The following FYN variants were observed in gnomAD, a reference collection of about 807,000 sequenced individuals.
The protein encoded by FYN is tyrosine-protein kinase Fyn.
In FYN, 10 loss-of-function variants were observed where a neutral mutation model predicts 70.2. That is an observed-to-expected ratio of 0.14 (90% CI 0.09 to 0.24). FYN has a LOEUF of 0.24. Among genes scored for constraint, FYN ranks in the 10% least tolerant of loss-of-function variants. The pLI is 1.00. For synonymous variants in FYN, 236 were observed against 248.6 expected (o/e 0.95, Z 0.48); for missense variants, 319 against 673.1 (o/e 0.47, Z 5.82).
chr6:111,707,364 G>A (rs957150047), intron 6 of FYN, among the ~76,000 whole-genome samples: 9 of 152,150 alleles, frequency 5.9e-5, no homozygotes, highest in African/African-American at 1.9e-4. Context: ...ATAACTGCTC[G>A]TCACTGTTTA....
At chr6:111,684,573 G>A (rs149546073) in intron 12 of FYN, among the ~76,000 whole-genome samples, 14 of 152,300 alleles carry the variant, frequency 9.2e-5, no homozygotes, top group Admixed American at 3.3e-4. Flanking sequence ...ATCCAGACAT[G>A]GAGGCTACCA....
At chr6:111,675,506 GA>G (rs1798489658) in intron 12 of FYN, among the ~76,000 whole-genome samples, 1 of 152,032 alleles carries the variant, frequency 6.6e-6, no homozygotes, top group African/African-American at 2.4e-5. Context: ...AATTAAAAGG[GA>G]TTCAGGCCGG....
chr6:111,705,384 CTT>C (rs879920621), intron 6 of FYN, among the ~76,000 whole-genome samples: 3 of 138,142 alleles, frequency 2.2e-5, no homozygotes. Flanking sequence ...TCTTCTTCTT[CTT>C]TTTTTTTTTT....
intron 5 of FYN, 122 bp from the exon 6 acceptor site, chr6:111,708,142 A>C (rs1800189276): frequency 1.4e-6 from 1 of 722,064 alleles, no homozygotes; most frequent in Non-Finnish European, 2.4e-6. Flanking sequence ...TCTCCAACCT[A>C]TTCCTTTACT....
chr6:111,864,061 G>A (rs1156437922), intron 1 of FYN, among the ~76,000 whole-genome samples: 2 of 152,158 alleles, frequency 1.3e-5, no homozygotes, highest in Non-Finnish European at 2.9e-5. Context: ...TGCATTCTAT[G>A]AGATCTTCAG....
chr6:111,786,893 C>T (rs1771410809), intron 2 of FYN, among the ~76,000 whole-genome samples: 1 of 152,176 alleles, frequency 6.6e-6, no homozygotes, highest in Non-Finnish European at 1.5e-5. Context: ...ATATCCTTTG[C>T]CCACTTGTTG....
At chr6:111,818,578 A>G (rs1298697364) in intron 2 of FYN, 1 of 152,268 alleles carries the variant, frequency 6.6e-6, no homozygotes, top group Non-Finnish European at 1.5e-5. Flanking sequence ...CCCACAGCCC[A>G]TCCCAGGGGC....
chr6:111,678,983 G>A (rs1035502226), intron 12 of FYN, among the ~76,000 whole-genome samples: 2 of 152,002 alleles, frequency 1.3e-5, no homozygotes, highest in Non-Finnish European at 2.9e-5. Context: ...TCCCCCCCTG[G>A]GTTTCTATAG....
chr6:111,708,145 C>A (rs147937827), intron 5 of FYN, 125 bp from the exon 6 acceptor site: 219 of 713,428 alleles, frequency 3.1e-4, no homozygotes, highest in Non-Finnish European at 8.8e-5. Context: ...CCAACCTATT[C>A]CTTTACTCTG....
At chr6:111,828,460 T>G (rs9384811) in intron 2 of FYN, among the ~76,000 whole-genome samples, 5,289 of 152,326 alleles carry the variant, frequency 0.035, 147 homozygotes, top group East Asian at 0.14. Context: ...TGTACGTCCA[T>G]GTTCATAGCA....
chr6:111,698,282 C>T (rs1035876233), intron 9 of FYN, among the ~76,000 whole-genome samples: 1 of 152,100 alleles, frequency 6.6e-6, no homozygotes, highest in South Asian at 2.1e-4. Context: ...TACAGGCATG[C>T]ACCACCATGC....
At chr6:111,723,344 G>C (rs66659916) in intron 3 of FYN, among the ~76,000 whole-genome samples, 20,106 of 151,978 alleles carry the variant, frequency 0.13, 1,472 homozygotes, top group South Asian at 0.33. Context: ...GCACACAGTA[G>C]TCACTCAATA....
chr6:111,798,641 C>T (rs1771892883), intron 2 of FYN, among the ~76,000 whole-genome samples: 1 of 151,682 alleles, frequency 6.6e-6, no homozygotes, highest in African/African-American at 2.4e-5. Context: ...TCAATTCTCC[C>T]ACCTCATCTG....
chr6:111,861,059 T>TC (rs1773949009), intron 1 of FYN, among the ~76,000 whole-genome samples: 1 of 152,136 alleles, frequency 6.6e-6, no homozygotes, highest in Admixed American at 6.5e-5. Flanking sequence ...ACTCCAAGGA[T>TC]CCATCAGTGC....
intron 3 of FYN, among the ~76,000 whole-genome samples, chr6:111,750,460 C>A (rs1802435850): frequency 6.6e-6 from 1 of 152,190 alleles, no homozygotes; most frequent in East Asian, 1.9e-4. Flanking sequence ...TCCTGTACAA[C>A]CTGCAGAACC....
intron 2 of FYN, among the ~76,000 whole-genome samples, chr6:111,803,739 T>C (rs539329142): frequency 6.6e-6 from 1 of 152,288 alleles, no homozygotes; most frequent in South Asian, 2.1e-4. Context: ...TTTAACACCA[T>C]TGCTCCTGAG....
intron 1 of FYN, among the ~76,000 whole-genome samples, chr6:111,853,544 G>C (rs1396341966): frequency 2.6e-5 from 4 of 152,248 alleles, no homozygotes; most frequent in South Asian, 2.1e-4. Flanking sequence ...CTGTGGCAAA[G>C]AGCTGGATTT....
Position 111,743,715 on chromosome 6 carries a change from A to G in FYN, c.-11-23653T>C, listed in dbSNP as rs562671940. On this transcript the variant is annotated intron_variant, in intron 3 of 13. Coordinates refer to ENST00000354650, the MANE Select transcript of FYN (RefSeq NM_002037.5). ...GAGGATCCCAGAGATCGGTACCAGC[A>G]CTGTGAAAATCTGATTCCAATGGTA... Among the ~76,000 whole-genome samples, 4 of 152,352 alleles carry G rather than the reference A, an allele frequency of 2.6e-5. No individual in the cohort carries two copies. The East Asian group carries it at 7.7e-4, about 29-fold the overall frequency.
At chr6:111,800,610 T>G (rs112320395) in intron 2 of FYN, among the ~76,000 whole-genome samples, 348 of 152,316 alleles carry the variant, frequency 2.3e-3, no homozygotes, top group African/African-American at 7.7e-3. Context: ...TTTCTGAGCT[T>G]AAGTTAATAC....
Sources: gnomAD v4.1 joint callset for allele counts (sites outside exome capture counted in the v4.1 genomes callset) on GRCh38, gnomAD v4.1.1 for gene constraint, MANE v1.5 for transcripts, NCBI Gene and HGNC (gene_info 2026-07-23, HGNC 2026-07-21) for gene names.